The following ZFP92 variants were observed in gnomAD, a reference collection of about 807,000 sequenced individuals.
ZFP92 encodes zinc finger protein 92 homolog.
A neutral mutation model predicts 7.6 loss-of-function variants in ZFP92; 2 were observed. The ratio of observed to expected loss-of-function variants is 0.26; its 90% CI spans 0.11 to 0.83. ZFP92 has a LOEUF of 0.83. Ranked by LOEUF, ZFP92 falls within the 40% of genes least tolerant of loss-of-function variation. The probability of loss-of-function intolerance (pLI) is 0.65; values close to 1 mark genes in which losing one functional copy is unlikely to be tolerated. For synonymous variants in ZFP92, 226 were observed against 183.6 expected, an observed-to-expected ratio of 1.23 and a Z score of -1.87; for missense variants, 324 against 408.3, an observed-to-expected ratio of 0.79 and a Z score of 1.78.
rs905244911 is a variant in ZFP92, at chrX:153,423,531, G to A, written c.*1903G>A. Reference sequence around the variant, plus strand: ...TCCCTATTCCCCATCCTGTGATTGCGTTCTTGTCTGCAAGCTGGTCTCATA... The same window carrying A: ...TCCCTATTCCCCATCCTGTGATTGCATTCTTGTCTGCAAGCTGGTCTCATA... On this transcript the variant is annotated 3_prime_UTR_variant, in exon 6 of 6. Coordinates refer to ENST00000338647, the MANE Select transcript of ZFP92 (RefSeq NM_001136273.2). The A allele has an allele frequency of 2.7e-5, 3 of 112,070 alleles. No homozygotes were observed. Among genetic ancestry groups the A allele is most frequent in the African/African-American group, 9.8e-5 (3 of 30,726 alleles). 9.2% of individuals were successfully genotyped at this position (112,070 alleles called of 1,213,427 possible). A position where few individuals can be genotyped will look rare whatever the true frequency, so the allele number is the denominator to read the frequency against.
chrX:153,413,863 G>C, intron 2 of ZFP92, among the ~76,000 whole-genome samples: 1 of 112,558 alleles, frequency 8.9e-6, no homozygotes, highest in Non-Finnish European at 1.9e-5. Flanking sequence ...CTCAAGGACA[G>C]GCACTGCTCT....
intron 2 of ZFP92, among the ~76,000 whole-genome samples, chrX:153,418,062 C>T (rs990574334): frequency 8.9e-6 from 1 of 111,938 alleles, no homozygotes; most frequent in African/African-American, 3.2e-5. Flanking sequence ...CCTCCAGAAC[C>T]GGGAGAGAAA....
At position 153,423,860 on chromosome X, in the gene ZFP92, C is replaced by T. The variant is rs1406047791; in HGVS notation, c.*2232C>T. 8.8e-6 allele frequency: 1 copy of T among 113,933 alleles called. No homozygotes were observed. The highest frequency in any genetic ancestry group is 1.9e-5 in the Non-Finnish European group (1 of 53,534). The allele number at this position is 113,933 out of a possible 1,213,427, so 9.4% of individuals were successfully genotyped here. A position where few individuals can be genotyped will look rare whatever the true frequency, so the allele number is the denominator to read the frequency against. Reference sequence around the variant, plus strand: ...GGCATGGGCCCAGAAATGCAATCCTCGTGCAGAGTAGGTGCCTGTGGCAGG... The same window carrying T: ...GGCATGGGCCCAGAAATGCAATCCTTGTGCAGAGTAGGTGCCTGTGGCAGG... On this transcript the variant is annotated 3_prime_UTR_variant, in exon 6 of 6. Coordinates refer to ENST00000338647, the MANE Select transcript of ZFP92 (RefSeq NM_001136273.2).
At position 153,425,124 on chromosome X, in the gene ZFP92, CCT is replaced by C. The variant is rs2089034404; in HGVS notation, c.*3497_*3498del. The C allele has an allele frequency of 8.9e-6, 1 of 112,582 alleles. No homozygotes were observed. Among genetic ancestry groups the C allele is most frequent in the Non-Finnish European group, 1.9e-5 (1 of 53,321 alleles). 9.3% of individuals were successfully genotyped at this position (112,582 alleles called of 1,213,427 possible). On this transcript the variant is annotated 3_prime_UTR_variant, in exon 6 of 6. Transcript: ENST00000338647. ...AGGGAAGGGAGGCTGGGCCTGGTCC[CCT>C]GTGTTCCTCAGCAAAGTGCCACATC...
Position 153,419,349 on chromosome X carries a change from C to T in ZFP92, c.160+550C>T, listed in dbSNP as rs150035557. Among the ~76,000 whole-genome samples the T allele has an allele frequency of 7.7e-3, 868 of 112,540 alleles. 17 individuals carry two copies. Among genetic ancestry groups the T allele is most frequent in the African/African-American group, 0.027 (839 of 30,955 alleles). ...TTCCATGCCAGTGCACACCCACTGC[C>T]GGAAGGGGCAGCAATTTTGCCAATT... On this transcript the variant is annotated intron_variant, in intron 4 of 5. Coordinates refer to ENST00000338647, the MANE Select transcript of ZFP92 (RefSeq NM_001136273.2).
Position 153,420,996 on chromosome X carries a change from C to T in ZFP92, c.619C>T (p.Pro207Ser). 1.7e-6 allele frequency: 2 copies of T among 1,201,719 alleles called. No individual in the cohort carries two copies. Among genetic ancestry groups the T allele is most frequent in the Non-Finnish European group, 2.2e-6 (2 of 890,272 alleles). ...CCAGCGCATCCACAGCGGCGAGAAG[C>T]CCTACGCCTGCCCCGAGTGCAGCAA... The part of the protein sequence containing the change: ...EHQRIHSGEK[P>S]YACPECSKTF... The change falls in exon 6 of 6, where the codon CCC (proline) becomes TCC (serine). Residue 207 changes from proline to serine, a missense_variant. Transcript: ENST00000338647.
At chrX:153,413,507 C>T (rs1371491198) in intron 2 of ZFP92, among the ~76,000 whole-genome samples, 3 of 109,734 alleles carry the variant, frequency 2.7e-5, no homozygotes, top group Admixed American at 9.7e-5. Context: ...GCAGTGGCAC[C>T]GGTCACCCAG....
At chrX:153,420,125 T>G (rs782538551) in intron 4 of ZFP92, 103 bp from the exon 5 acceptor site, 1 of 628,035 alleles carries the variant, frequency 1.6e-6, no homozygotes, top group African/African-American at 2.3e-5. Flanking sequence ...TTTAGAGAGT[T>G]CTTTATTCTC....
chrX:153,420,576 A>G, intron 5 of ZFP92, 67 bp from the exon 6 acceptor site: 2 of 1,094,156 alleles, frequency 1.8e-6, no homozygotes, highest in Non-Finnish European at 2.4e-6. Context: ...CTATGTTCTC[A>G]CCTCCTGCTC....
At position 153,421,661 on chromosome X, in the gene ZFP92, C is replaced by T; in HGVS notation, c.*33C>T. 1 of 942,263 alleles carries T rather than the reference C, an allele frequency of 1.1e-6. No homozygotes were observed. Among genetic ancestry groups the T allele is most frequent in the Non-Finnish European group, 1.3e-6 (1 of 759,115 alleles). 77.7% of individuals were successfully genotyped at this position (942,263 alleles called of 1,213,427 possible). On this transcript the variant is annotated 3_prime_UTR_variant, in exon 6 of 6. Coordinates refer to ENST00000338647, the MANE Select transcript of ZFP92 (RefSeq NM_001136273.2). ...CCAGCGCACCCAGGGCGCGGCCGGT[C>T]TGCGTGGGGGGCCTTCCTGGGGACG...
In ZFP92 at chrX:153,421,199, C is replaced by T. The variant is rs1416902237; in HGVS notation, c.822C>T (p.Ser274=). ...YACPECGKAF[S]RSSNLIEHQR... ...GCCCAGAGTGCGGCAAGGCCTTCAGCCGCAGCTCCAACCTCATCGAGCACC... is the reference window on the plus strand; with the variant it reads ...GCCCAGAGTGCGGCAAGGCCTTCAGTCGCAGCTCCAACCTCATCGAGCACC... Residue 274 remains serine, a synonymous_variant, in exon 6 of 6, where the codon AGC becomes AGT. Coordinates refer to ENST00000338647, the MANE Select transcript of ZFP92 (RefSeq NM_001136273.2). The T allele has an allele frequency of 1.3e-5, 15 of 1,187,758 alleles. No homozygotes were observed. Among genetic ancestry groups the T allele is most frequent in the Non-Finnish European group, 1.7e-5 (15 of 883,653 alleles).
chrX:153,413,813 T>G (rs1176737302), intron 2 of ZFP92, among the ~76,000 whole-genome samples: 1 of 112,470 alleles, frequency 8.9e-6, no homozygotes, highest in African/African-American at 3.2e-5. Context: ...TGTCTTTCTT[T>G]CCAGGAGTTG....
chrX:153,415,871 T>C (rs1440889735), intron 2 of ZFP92, among the ~76,000 whole-genome samples: 15 of 111,396 alleles, frequency 1.3e-4, no homozygotes, highest in African/African-American at 4.6e-4. Flanking sequence ...CATGAGCAGT[T>C]ATGATCCCCT....
chrX:153,421,596 G>A lies in ZFP92; in HGVS notation c.1219G>A (p.Ala407Thr). ...AATSPPRPST[A>T]ARPSRPSRR ...CACCAGCCCCCCGCGGCCGAGCACA[G>A]CCGCCAGGCCTTCCAGGCCCAGCCG... Residue 407 changes from alanine to threonine, a missense_variant, in exon 6 of 6, where the codon GCC becomes ACC. Ala to Thr is a moderately conservative substitution (Grantham distance 58). Coordinates refer to ENST00000338647, the MANE Select transcript of ZFP92 (RefSeq NM_001136273.2). 9.8e-7 allele frequency: 1 copy of A among 1,015,505 alleles called. No individual in the cohort carries two copies. Among genetic ancestry groups the A allele is most frequent in the South Asian group, 2.9e-5 (1 of 34,673 alleles). The allele number at this position is 1,015,505 out of a possible 1,213,427, so 83.7% of individuals were successfully genotyped here.
Position 153,420,704 on chromosome X carries a change from C to G in ZFP92, c.327C>G (p.Pro109=). The G allele has an allele frequency of 2.6e-6, 3 of 1,144,741 alleles. No individual in the cohort carries two copies. Among genetic ancestry groups the G allele is most frequent in the East Asian group, 3.3e-5 (1 of 30,521 alleles). 94.3% of individuals were successfully genotyped at this position (1,144,741 alleles called of 1,213,427 possible). A position where few individuals can be genotyped will look rare whatever the true frequency, so the allele number is the denominator to read the frequency against. The change falls in exon 6 of 6, where the codon CCC becomes CCG. Residue 109 remains proline (P), a synonymous_variant. Coordinates refer to ENST00000338647, the MANE Select transcript of ZFP92 (RefSeq NM_001136273.2). ...AGAAGCATTCTGGACGACAACTCCC[C>G]GGGGCCGATCCACAAGGTGGCAAGG... ...STQKHSGRQL[P]GADPQGGKEG... is the part of the protein sequence containing the mutation.
intron 2 of ZFP92, among the ~76,000 whole-genome samples, chrX:153,417,088 C>T (rs182489390): frequency 2.0e-4 from 22 of 112,378 alleles, no homozygotes; most frequent in South Asian, 3.7e-4. Context: ...TGCAACGTGA[C>T]GTGTGGAGAC....
At position 153,425,881 on chromosome X, in the gene ZFP92, G is replaced by A. The variant is rs2089039686; in HGVS notation, c.*4253G>A. ...AAGGCCTTGGACTTTTGAGAGGAGC[G>A]CAGTGCCCTCCTTTTGTGTTCAGGA... On this transcript the variant is annotated 3_prime_UTR_variant, in exon 6 of 6. Coordinates refer to ENST00000338647, the MANE Select transcript of ZFP92 (RefSeq NM_001136273.2). The A allele has an allele frequency of 9.0e-6, 1 of 111,391 alleles. No homozygotes were observed. Among genetic ancestry groups the A allele is most frequent in the Non-Finnish European group, 1.9e-5 (1 of 53,000 alleles). 9.2% of individuals were successfully genotyped at this position (111,391 alleles called of 1,213,427 possible). A position where few individuals can be genotyped will look rare whatever the true frequency, so the allele number is the denominator to read the frequency against.
rs782078762 is a variant in ZFP92, at chrX:153,421,344, C to T, written c.967C>T (p.Arg323Cys). Residue 323 changes from arginine (R) to cysteine (C), a missense_variant, in exon 6 of 6, where the codon CGC (arginine) becomes TGC (cysteine). Arg to Cys is a radical substitution (Grantham distance 180). Coordinates refer to ENST00000338647, the MANE Select transcript of ZFP92 (RefSeq NM_001136273.2). ...CAGCGGCGAGCGGCCCTTCGCGTGC[C>T]GCGAGTGCGGCAAGGCCTTCCGTGG... The part of the protein sequence containing the change: ...SHSGERPFAC[R>C]ECGKAFRGRS... 2.6e-6 allele frequency: 3 copies of T among 1,163,269 alleles called. No individual in the cohort carries two copies. Among genetic ancestry groups the T allele is most frequent in the African/African-American group, 1.8e-5 (1 of 56,273 alleles).
intron 2 of ZFP92, among the ~76,000 whole-genome samples, chrX:153,417,815 T>C (rs782358591): frequency 1.3e-4 from 14 of 111,468 alleles, no homozygotes; most frequent in African/African-American, 4.6e-4. Flanking sequence ...AGGGAGACTT[T>C]GCAGCTGTAA....
Sources: gnomAD v4.1 joint callset for allele counts (sites outside exome capture counted in the v4.1 genomes callset) on GRCh38, gnomAD v4.1.1 for gene constraint, MANE v1.5 for transcripts, NCBI Gene and HGNC (gene_info 2026-07-23, HGNC 2026-07-21) for gene names.